Variants in AMER1 observed in about 807,000 individuals in gnomAD.
AMER1 encodes APC membrane recruitment protein 1.
In AMER1, 16 loss-of-function variants were observed where a neutral mutation model predicts 53.0. The ratio of observed to expected loss-of-function variants is 0.30; its 90% CI spans 0.20 to 0.46. The LOEUF (loss-of-function observed/expected upper bound fraction) is 0.46, where lower values mean the gene tolerates loss of function less well. AMER1 is among the 20% of genes least tolerant of loss of function. The pLI is 1.00. For synonymous variants in AMER1, 354 were observed against 331.9 expected (o/e 1.07, Z -0.73); for missense variants, 947 against 884.9 (o/e 1.07, Z -0.89).
chrX:64,196,059 G>A (rs1014729317), intron 1 of AMER1, among the ~76,000 whole-genome samples: 11 of 112,226 alleles, frequency 9.8e-5, no homozygotes, highest in Non-Finnish European at 1.9e-4. Flanking sequence ...GAGCCTTGAC[G>A]CCCCAGTTAG....
chrX:64,188,985 T>C lies in AMER1; in HGVS notation c.*894A>G. ...CTTAAAAGAAGGAAAAAAAATCCTA[T>C]CATTCCGGAGCTCAACACTCTATGG... On this transcript the variant is annotated 3_prime_UTR_variant, in exon 2 of 2. Coordinates refer to ENST00000374869, the MANE Select transcript of AMER1 (RefSeq NM_152424.4). 1 of 806,885 alleles carries C rather than the reference T, an allele frequency of 1.2e-6. No homozygotes were observed. The highest frequency in any genetic ancestry group is 1.5e-6 in the Non-Finnish European group (1 of 671,640). 66.5% of individuals were successfully genotyped at this position (806,885 alleles called of 1,213,427 possible). A position where few individuals can be genotyped will look rare whatever the true frequency, so the allele number is the denominator to read the frequency against.
rs1198030976 is a variant in AMER1, at chrX:64,189,143, A to G, written c.*736T>C. The G allele has an allele frequency of 1.3e-6, 1 of 799,859 alleles. No homozygotes were observed. Among genetic ancestry groups the G allele is most frequent in the Non-Finnish European group, 1.5e-6 (1 of 667,129 alleles). The allele number at this position is 799,859 out of a possible 1,213,427, so 65.9% of individuals were successfully genotyped here. A position where few individuals can be genotyped will look rare whatever the true frequency, so the allele number is the denominator to read the frequency against. On this transcript the variant is annotated 3_prime_UTR_variant, in exon 2 of 2. Transcript: ENST00000374869. Reference sequence around the variant, plus strand: ...ACAGTTAAAAGGCCCCCATCTGGTCATGATGCCAAAGTCCACAGCGATAGG... The same window carrying G: ...ACAGTTAAAAGGCCCCCATCTGGTCGTGATGCCAAAGTCCACAGCGATAGG...
rs1323663807 is a variant in AMER1, at chrX:64,189,302, T to C, written c.*577A>G. On this transcript the variant is annotated 3_prime_UTR_variant, in exon 2 of 2. Transcript: ENST00000374869. ...GGTGGGGAGGATCTGTACCATAATT[T>C]CACATTGCTAATAGCAAATAAGCCC... 1.3e-6 allele frequency: 1 copy of C among 786,831 alleles called. No homozygotes were observed. Among genetic ancestry groups the C allele is most frequent in the Non-Finnish European group, 1.5e-6 (1 of 661,355 alleles). The allele number at this position is 786,831 out of a possible 1,213,427, so 64.8% of individuals were successfully genotyped here.
chrX:64,192,894 C>G lies in AMER1; in HGVS notation c.393G>C (p.Gln131His), dbSNP rs747715726. ...PELPCQFPSS[Q>H]SAHGALETGS... ...CTGTCTCCAAAGCCCCATGGGCACT[C>G]TGAGAGCTGGGAAATTGGCAGGGTA... is the stretch of plus-strand genomic sequence containing the variant. The change falls in exon 2 of 2, where the codon CAG (glutamine) becomes CAC (histidine). Residue 131 changes from glutamine to histidine, a missense_variant. Physicochemically the swap from Gln to His is conservative, Grantham distance 24 (BLOSUM62 0). Transcript: ENST00000374869. 1 of 1,212,123 alleles carries G rather than the reference C, an allele frequency of 8.2e-7. No homozygotes were observed.
In AMER1 at chrX:64,193,133, G is replaced by T. The variant is rs1285996741; in HGVS notation, c.154C>A (p.Leu52Met). The T allele has an allele frequency of 8.3e-7, 1 of 1,211,804 alleles. No individual in the cohort carries two copies. The highest frequency in any genetic ancestry group is 1.1e-6 in the Non-Finnish European group (1 of 895,561). The part of the protein sequence containing the change: ...SEPSSSGPGR[L>M]KKTAMKLFGG... ...AAGAGTTTCATGGCAGTTTTCTTCA[G>T]CCTACCTGGGCCGGATGAGGATGGC... The change falls in exon 2 of 2, where the codon CTG (leucine) becomes ATG (methionine). Residue 52 changes from leucine (L) to methionine (M), a missense_variant. Physicochemically the swap from Leu to Met is conservative, Grantham distance 15. Coordinates refer to ENST00000374869, the MANE Select transcript of AMER1 (RefSeq NM_152424.4).
Position 64,205,613 on chromosome X carries a change from G to T in AMER1, c.-142C>A, listed in dbSNP as rs1444618861. The stretch of plus-strand genomic sequence containing the variant: ...TAGCCCGGTTATTGTCCGCTGAGCC[G>T]CCCTGGGCCGGGCTGCAGCCTCGGC... On this transcript the variant is annotated 5_prime_UTR_variant, in exon 1 of 2. Coordinates refer to ENST00000374869, the MANE Select transcript of AMER1 (RefSeq NM_152424.4). The T allele has an allele frequency of 1.8e-5, 2 of 112,531 alleles. No individual in the cohort carries two copies. The highest frequency in any genetic ancestry group is 3.2e-5 in the African/African-American group (1 of 30,943). The allele number at this position is 112,531 out of a possible 1,213,427, so 9.3% of individuals were successfully genotyped here.
chrX:64,193,534 C>A (rs779193538), intron 1 of AMER1, 150 bp from the exon 2 acceptor site: 49 of 446,199 alleles, frequency 1.1e-4, no homozygotes, highest in Non-Finnish European at 1.8e-4. Flanking sequence ...ACTCGATATG[C>A]TTGGCTTGCT....
chrX:64,187,363 C>T lies in AMER1; in HGVS notation c.*2516G>A, dbSNP rs749204928. ...GGGCAGTGAAGGGACTTGCAGGCAG[C>T]AAGGCTGTCCAAACCATGAACTCTC... On this transcript the variant is annotated 3_prime_UTR_variant, in exon 2 of 2. Transcript: ENST00000374869. The T allele has an allele frequency of 1.5e-5, 12 of 792,649 alleles. No homozygotes were observed. Among genetic ancestry groups the T allele is most frequent in the Non-Finnish European group, 1.8e-5 (12 of 662,372 alleles). 65.3% of individuals were successfully genotyped at this position (792,649 alleles called of 1,213,427 possible).
intron 1 of AMER1, among the ~76,000 whole-genome samples, chrX:64,203,595 A>T (rs1412186990): frequency 1.8e-5 from 2 of 111,778 alleles, no homozygotes; most frequent in Admixed American, 1.9e-4. Flanking sequence ...CAGGAGAAGT[A>T]GGCAGCCCTG....
chrX:64,195,313 G>C (rs1181660424), intron 1 of AMER1, among the ~76,000 whole-genome samples: 1 of 111,883 alleles, frequency 8.9e-6, no homozygotes, highest in African/African-American at 3.3e-5. Flanking sequence ...TTATCGTCAC[G>C]GTGTTGGGGA....
intron 1 of AMER1, among the ~76,000 whole-genome samples, chrX:64,203,550 T>C (rs1014325770): frequency 2.7e-5 from 3 of 111,351 alleles, no homozygotes; most frequent in African/African-American, 9.8e-5. Context: ...TTAATTATAG[T>C]CTGCATCCTA....
chrX:64,191,004 C>T lies in AMER1; in HGVS notation c.2283G>A (p.Lys761=), dbSNP rs2147086426. 8.3e-7 allele frequency: 1 copy of T among 1,211,941 alleles called. No homozygotes were observed. The highest frequency in any genetic ancestry group is 2.3e-4 in the Middle Eastern group (1 of 4,352). ...PEDPEEEEVE[K]EGNATVSFSQ... Reference sequence around the variant, plus strand: ...AGAAACTCACAGTGGCATTCCCTTCCTTCTCAACCTCCTCTTCCTCTGGAT... The same window carrying T: ...AGAAACTCACAGTGGCATTCCCTTCTTTCTCAACCTCCTCTTCCTCTGGAT... Residue 761 remains lysine (K), a synonymous_variant, in exon 2 of 2, where the codon AAG becomes AAA. Coordinates refer to ENST00000374869, the MANE Select transcript of AMER1 (RefSeq NM_152424.4).
chrX:64,196,913 C>A (rs1242207904), intron 1 of AMER1, among the ~76,000 whole-genome samples: 1 of 112,265 alleles, frequency 8.9e-6, no homozygotes, highest in South Asian at 3.7e-4. Flanking sequence ...AGCTCCCTAG[C>A]GTAGCCCCAC....
Position 64,189,813 on chromosome X carries a change from C to CT in AMER1, c.*65dup. The CT allele has an allele frequency of 1.0e-6, 1 of 955,358 alleles. No individual in the cohort carries two copies. The highest frequency in any genetic ancestry group is 1.3e-6 in the Non-Finnish European group (1 of 751,765). The allele number at this position is 955,358 out of a possible 1,213,427, so 78.7% of individuals were successfully genotyped here. A position where few individuals can be genotyped will look rare whatever the true frequency, so the allele number is the denominator to read the frequency against. ...CAACAACCCCCACCCCCCCACCCTTCTGCCCAACCCCTGATCCCCATTCAC... is the reference window on the plus strand; with the variant it reads ...CAACAACCCCCACCCCCCCACCCTTCTTGCCCAACCCCTGATCCCCATTCAC... On this transcript the variant is annotated 3_prime_UTR_variant, in exon 2 of 2. Transcript: ENST00000374869.
intron 1 of AMER1, among the ~76,000 whole-genome samples, chrX:64,194,235 C>G (rs772600675): frequency 4.3e-4 from 48 of 111,482 alleles, no homozygotes; most frequent in Non-Finnish European, 7.5e-4. Flanking sequence ...CACTTGAGAA[C>G]CATGAGGTGG....
At chrX:64,202,288 G>A (rs1394132245) in intron 1 of AMER1, among the ~76,000 whole-genome samples, 3 of 111,972 alleles carry the variant, frequency 2.7e-5, no homozygotes, top group Non-Finnish European at 3.8e-5. Context: ...ACGAGTGAGA[G>A]GCTCCCCTTA....
chrX:64,188,373 C>T lies in AMER1; in HGVS notation c.*1506G>A. 7 of 803,590 alleles carry T rather than the reference C, an allele frequency of 8.7e-6. No individual in the cohort carries two copies. The highest frequency in any genetic ancestry group is 1.0e-5 in the Non-Finnish European group (7 of 669,457). The allele number at this position is 803,590 out of a possible 1,213,427, so 66.2% of individuals were successfully genotyped here. On this transcript the variant is annotated 3_prime_UTR_variant, in exon 2 of 2. Coordinates refer to ENST00000374869, the MANE Select transcript of AMER1 (RefSeq NM_152424.4). ...TTGAGCTTGGCAAGATTAGCCTGTTCCAATGTCTTCCTGACAGCAAGCTCT... is the reference window on the plus strand; with the variant it reads ...TTGAGCTTGGCAAGATTAGCCTGTTTCAATGTCTTCCTGACAGCAAGCTCT...
intron 1 of AMER1, among the ~76,000 whole-genome samples, chrX:64,197,617 A>G (rs752112959): frequency 8.9e-6 from 1 of 112,751 alleles, no homozygotes; most frequent in East Asian, 2.8e-4. Context: ...TTGACCAGCC[A>G]TAGTTCCTCA....
chrX:64,190,558 T>A lies in AMER1; in HGVS notation c.2729A>T (p.His910Leu). ...ETLEMELSNS[H>L]LVQGYLESDE... Reference sequence around the variant, plus strand: ...AGACTCGAGGTAGCCCTGGACCAAGTGGGAATTGGAGAGCTCCATCTCCAG... The same window carrying A: ...AGACTCGAGGTAGCCCTGGACCAAGAGGGAATTGGAGAGCTCCATCTCCAG... The change falls in exon 2 of 2, where the codon CAC (histidine) becomes CTC (leucine). Residue 910 changes from histidine (H) to leucine (L), a missense_variant. His to Leu is a moderately conservative substitution (Grantham distance 99, BLOSUM62 -3). Coordinates refer to ENST00000374869, the MANE Select transcript of AMER1 (RefSeq NM_152424.4). The A allele has an allele frequency of 8.3e-7, 1 of 1,211,704 alleles. No individual in the cohort carries two copies. Among genetic ancestry groups the A allele is most frequent in the Non-Finnish European group, 1.1e-6 (1 of 895,417 alleles).
Sources: gnomAD v4.1 joint callset for allele counts (sites outside exome capture counted in the v4.1 genomes callset) on GRCh38, gnomAD v4.1.1 for gene constraint, MANE v1.5 for transcripts, NCBI Gene and HGNC (gene_info 2026-07-23, HGNC 2026-07-21) for gene names.